The following KNDC1 variants were observed in gnomAD, a reference collection of about 807,000 sequenced individuals.
KNDC1 encodes kinase non-catalytic C-lobe domain containing 1.
In KNDC1, 106 loss-of-function variants were observed where a neutral mutation model predicts 172.8. The observed-to-expected ratio is 0.61, with a 90% confidence interval of 0.52 to 0.72. KNDC1 has a LOEUF of 0.72. KNDC1 is among the 30% of genes least tolerant of loss of function. The pLI, the probability that KNDC1 is intolerant of heterozygous loss-of-function variation, is 0.00. For missense variants in KNDC1, 2,325 were observed against 2,394.5 expected, an observed-to-expected ratio of 0.97 and a Z score of 0.61; for synonymous variants, 1,083 against 1,062.2, an observed-to-expected ratio of 1.02 and a Z score of -0.38.
chr10:133,211,883 C>T (rs1845375043), intron 23 of KNDC1, 25 bp downstream of exon 23: 5 of 1,587,098 alleles, frequency 3.2e-6, no homozygotes, highest in Admixed American at 1.9e-5. Context: ...CAGGGGAGGT[C>T]CTCCCTGGAC....
intron 29 of KNDC1, among the ~76,000 whole-genome samples, chr10:133,221,149 C>T (rs80242841): frequency 0.021 from 3,236 of 152,174 alleles, 40 homozygotes; most frequent in Middle Eastern, 0.037. Flanking sequence ...AGAGGCTGCC[C>T]GGCAGCAACC....
chr10:133,214,278 G>A (rs1217136493), intron 26 of KNDC1, among the ~76,000 whole-genome samples, 156 bp downstream of exon 26: 2 of 152,188 alleles, frequency 1.3e-5, no homozygotes, highest in Non-Finnish European at 2.9e-5. Flanking sequence ...AGGCTGAGGG[G>A]AGCAGGGCAC....
chr10:133,213,932 A>G (rs371122986), intron 25 of KNDC1, 40 bp from the exon 26 acceptor site: 1 of 1,612,886 alleles, frequency 6.2e-7, no homozygotes, highest in Admixed American at 1.7e-5. Flanking sequence ...GGGCCACTGC[A>G]CAAGTCCTGG....
intron 5 of KNDC1, among the ~76,000 whole-genome samples, chr10:133,185,365 TACA>T (rs1564883507): frequency 0.013 from 1,324 of 103,774 alleles, 39 homozygotes; most frequent in Middle Eastern, 0.032. Context: ...AGGCAGTGTG[TACA>T]GTGTGGAGTA....
chr10:133,167,299 T>TC, intron 1 of KNDC1, 82 bp from the exon 2 acceptor site: 2 of 1,366,556 alleles, frequency 1.5e-6, no homozygotes, highest in Non-Finnish European at 9.9e-7. Context: ...GTCGTCCGTT[T>TC]CCCCAGGGAA....
Position 133,199,463 on chromosome 10 carries a change from T to G in KNDC1, c.2764T>G (p.Tyr922Asp). 1 of 1,613,490 alleles carries G rather than the reference T, an allele frequency of 6.2e-7. No individual in the cohort carries two copies. Among genetic ancestry groups the G allele is most frequent in the Non-Finnish European group, 8.5e-7 (1 of 1,179,866 alleles). The change falls in exon 15 of 30, where the codon TAC becomes GAC. Residue 922 changes from tyrosine to aspartate, a missense_variant. Tyr to Asp is a radical substitution (Grantham distance 160). Transcript: ENST00000304613. Reference sequence around the variant, plus strand: ...CCATCGTTTTGCAAAACCAGGGGAGTACATCTTCGCCTTGAAAGATCTCAC... The same window carrying G: ...CCATCGTTTTGCAAAACCAGGGGAGGACATCTTCGCCTTGAAAGATCTCAC... ...NGLEALIMGE[Y>D]IFALKDLTFA...
In KNDC1 at chr10:133,210,728, C is replaced by A; in HGVS notation, c.3908+4C>A. On this transcript the variant is annotated splice_donor_region_variant and intron_variant, in intron 21 of 29. Transcript: ENST00000304613. ...GCATCAACAGCACGCTGACCAGGTA[C>A]CAAGCTCCACAGCTCCACGCCCGCC... 1.2e-6 allele frequency: 2 copies of A among 1,605,312 alleles called. No individual in the cohort carries two copies. Among genetic ancestry groups the A allele is most frequent in the Non-Finnish European group, 1.7e-6 (2 of 1,171,942 alleles).
intron 11 of KNDC1, 86 bp from the exon 12 acceptor site, chr10:133,197,589 C>A (rs1328805004): frequency 1.0e-6 from 1 of 996,944 alleles, no homozygotes; most frequent in South Asian, 1.3e-5. Context: ...ACGGCACCGG[C>A]GGGTGGTGGG....
chr10:133,211,801 T>A lies in KNDC1; in HGVS notation c.4179T>A (p.Asp1393Glu). ...DLENPREAEEDARPFNALCKR... is the reference protein window; with the variant it reads ...DLENPREAEEEARPFNALCKR... ...AGAACCCCAGGGAGGCCGAGGAGGA[T>A]GCCAGACCCTTCAACGCCCTCTGTA... Residue 1393 changes from aspartate (D) to glutamate (E), a missense_variant, in exon 23 of 30, where the codon GAT becomes GAA. By Grantham distance (45) the Asp-to-Glu change is conservative (BLOSUM62 2). Transcript: ENST00000304613. 6.2e-7 allele frequency: 1 copy of A among 1,610,500 alleles called. No individual in the cohort carries two copies. Among genetic ancestry groups the A allele is most frequent in the South Asian group, 1.1e-5 (1 of 90,912 alleles).
chr10:133,207,173 A>G lies in KNDC1; in HGVS notation c.3616A>G (p.Thr1206Ala), dbSNP rs1321312316. 6.2e-7 allele frequency: 1 copy of G among 1,606,836 alleles called. No individual in the cohort carries two copies. Among genetic ancestry groups the G allele is most frequent in the African/African-American group, 1.3e-5 (1 of 74,962 alleles). ...GGAACGCTGGGGCCTGGAGCCCTGC[A>G]CCCTCCCAGTGATCGTGAACATCGC... The part of the protein sequence containing the change: ...YAERWGLEPC[T>A]LPVIVNIAAA... The change falls in exon 20 of 30, where the codon ACC (threonine) becomes GCC (alanine). Residue 1206 changes from threonine to alanine, a missense_variant. Physicochemically the swap from Thr to Ala is moderately conservative, Grantham distance 58. Coordinates refer to ENST00000304613, the MANE Select transcript of KNDC1 (RefSeq NM_152643.8).
At chr10:133,176,018 G>GTGGA (rs1057120187) in intron 3 of KNDC1, among the ~76,000 whole-genome samples, 1 of 150,424 alleles carries the variant, frequency 6.6e-6, no homozygotes, top group Non-Finnish European at 1.5e-5. Context: ...GAATGGATGG[G>GTGGA]TGGATGGATG....
Position 133,210,729 on chromosome 10 carries a change from C to T in KNDC1, c.3908+5C>T, listed in dbSNP as rs1845347339. On this transcript the variant is annotated splice_donor_5th_base_variant and intron_variant, in intron 21 of 29. Coordinates refer to ENST00000304613, the MANE Select transcript of KNDC1 (RefSeq NM_152643.8). ...CATCAACAGCACGCTGACCAGGTAC[C>T]AAGCTCCACAGCTCCACGCCCGCCA... The T allele has an allele frequency of 3.1e-6, 5 of 1,603,458 alleles. No homozygotes were observed. Among genetic ancestry groups the T allele is most frequent in the Non-Finnish European group, 4.3e-6 (5 of 1,170,270 alleles).
intron 17 of KNDC1, among the ~76,000 whole-genome samples, chr10:133,205,314 C>T (rs1845155370): frequency 6.6e-6 from 1 of 152,228 alleles, no homozygotes; most frequent in Admixed American, 6.5e-5. Flanking sequence ...GCCCCAGCTG[C>T]TGTCTGTGCA....
At chr10:133,181,310 G>A (rs1019095860) in intron 3 of KNDC1, among the ~76,000 whole-genome samples, 2 of 152,248 alleles carry the variant, frequency 1.3e-5, no homozygotes, top group Non-Finnish European at 2.9e-5. Flanking sequence ...CCCCAGGGAG[G>A]CGGACCCTGG....
At chr10:133,187,179 G>A (rs67827761) in intron 6 of KNDC1, among the ~76,000 whole-genome samples, 58,959 of 152,146 alleles carry the variant, frequency 0.39, 13,244 homozygotes, top group South Asian at 0.64. Flanking sequence ...CGCTGCCTCC[G>A]CGGGGACGCT....
intron 6 of KNDC1, among the ~76,000 whole-genome samples, chr10:133,188,230 T>C (rs1347127456): frequency 6.6e-6 from 1 of 152,182 alleles, no homozygotes; most frequent in African/African-American, 2.4e-5. Flanking sequence ...CCTCGGGGAA[T>C]GTGGCCGTGT....
At chr10:133,206,044 T>C (rs1208144915) in intron 17 of KNDC1, among the ~76,000 whole-genome samples, 5 of 151,338 alleles carry the variant, frequency 3.3e-5, no homozygotes, top group African/African-American at 9.7e-5. Flanking sequence ...CTACCAAAAA[T>C]ACAAAATTAG....
chr10:133,177,207 A>C (rs12769398), intron 3 of KNDC1, among the ~76,000 whole-genome samples: 1 of 149,972 alleles, frequency 6.7e-6, no homozygotes, highest in Non-Finnish European at 1.5e-5. Flanking sequence ...TATGTAGTAT[A>C]GTGTGTGTGT....
intron 29 of KNDC1, among the ~76,000 whole-genome samples, chr10:133,222,725 A>ATGTG (rs1564903892): frequency 2.2e-4 from 1 of 4,650 alleles, no homozygotes; most frequent in African/African-American, 4.8e-4. Flanking sequence ...GTGTGTGTGC[A>ATGTG]TGAGAGCCCA....
Sources: gnomAD v4.1 joint callset for allele counts (sites outside exome capture counted in the v4.1 genomes callset) on GRCh38, gnomAD v4.1.1 for gene constraint, MANE v1.5 for transcripts, NCBI Gene and HGNC (gene_info 2026-07-23, HGNC 2026-07-21) for gene names.